ZBTB44: variants seen among roughly 807,000 people sequenced by gnomAD.
ZBTB44 encodes zinc finger and BTB domain containing 44, also known as zinc finger and BTB domain-containing protein 44.
In ZBTB44, 15 loss-of-function variants were observed where a neutral mutation model predicts 54.0. The observed-to-expected ratio is 0.28, with a 90% CI of 0.19 to 0.43. The LOEUF (loss-of-function observed/expected upper bound fraction) is 0.43. ZBTB44 is among the 20% of genes least tolerant of loss of function. ZBTB44 has a pLI of 1.00. For missense variants in ZBTB44, 487 were observed against 707.1 expected (o/e 0.69, Z 3.53); for synonymous variants, 230 against 250.1 (o/e 0.92, Z 0.76).
intron 1 of ZBTB44, among the ~76,000 whole-genome samples, chr11:130,276,755 T>C (rs1174485834): frequency 2.0e-5 from 3 of 152,176 alleles, no homozygotes; most frequent in Non-Finnish European, 2.9e-5. Flanking sequence ...AAAAGCGGTA[T>C]ACTGAAGTCT....
rs995732585 is a variant in ZBTB44 at position 130,236,045 on chromosome 11, T to A, written c.1568+748A>T. Reference sequence around the variant, plus strand: ...GATTCCTACAGAAGTACAATTCTTATAAACAATTTAAAACAACAGTTTTAT... The same window carrying A: ...GATTCCTACAGAAGTACAATTCTTAAAAACAATTTAAAACAACAGTTTTAT... On this transcript the variant is annotated intron_variant, in intron 5 of 7. Coordinates refer to ENST00000357899, the MANE Select transcript of ZBTB44 (RefSeq NM_001301098.2). 3 of 1,102,474 alleles carry A rather than the reference T, an allele frequency of 2.7e-6. No individual in the cohort carries two copies. In the African/African-American group the frequency reaches 4.9e-5, roughly 18 times the overall value. 68.3% of individuals were successfully genotyped at this position (1,102,474 alleles called of 1,614,324 possible). A position where few individuals can be genotyped will look rare whatever the true frequency, so the allele number is the denominator to read the frequency against.
chr11:130,306,217 A>T (rs1284208077), intron 1 of ZBTB44, among the ~76,000 whole-genome samples: 1 of 152,198 alleles, frequency 6.6e-6, no homozygotes, highest in African/African-American at 2.4e-5. Flanking sequence ...AAGAACTAAA[A>T]GTAGGCTGGG....
intron 1 of ZBTB44, among the ~76,000 whole-genome samples, chr11:130,312,142 T>C (rs1942644476): frequency 6.6e-6 from 1 of 152,178 alleles, no homozygotes; most frequent in South Asian, 2.1e-4. Flanking sequence ...TACCTGCACT[T>C]AATGAAGGAA....
At chr11:130,313,938 T>TTGTGTG (rs202106090) in intron 1 of ZBTB44, among the ~76,000 whole-genome samples, 2,050 of 98,450 alleles carry the variant, frequency 0.021, 44 homozygotes, top group African/African-American at 0.064. Context: ...GTGTGTGTGT[T>TTGTGTG]TGTGTGTGTG....
At chr11:130,311,462 G>T (rs781624402) in intron 1 of ZBTB44, among the ~76,000 whole-genome samples, 1 of 152,098 alleles carries the variant, frequency 6.6e-6, no homozygotes, top group Non-Finnish European at 1.5e-5. Flanking sequence ...TTCCACCTCG[G>T]CCTTTCAACG....
intron 2 of ZBTB44, among the ~76,000 whole-genome samples, chr11:130,251,569 G>A (rs1046258446): frequency 1.8e-4 from 28 of 152,346 alleles, no homozygotes; most frequent in African/African-American, 6.3e-4. Flanking sequence ...CCTACAGAGG[G>A]AAGCCATCAG....
chr11:130,292,514 A>G (rs1263531257), intron 1 of ZBTB44, among the ~76,000 whole-genome samples: 1 of 152,200 alleles, frequency 6.6e-6, no homozygotes, highest in Non-Finnish European at 1.5e-5. Flanking sequence ...CATAAGAAAA[A>G]AATTAAAAAT....
intron 1 of ZBTB44, among the ~76,000 whole-genome samples, chr11:130,298,632 T>C (rs1322947542): frequency 6.6e-6 from 1 of 151,752 alleles, no homozygotes; most frequent in East Asian, 1.9e-4. Flanking sequence ...CTGGCCACTT[T>C]TTGTATTTTT....
Position 130,261,379 on chromosome 11 carries a change from T to C in ZBTB44, c.495A>G (p.Ser165=), listed in dbSNP as rs1290240974. 3 of 1,614,008 alleles carry C rather than the reference T, an allele frequency of 1.9e-6. No homozygotes were observed. Among genetic ancestry groups the C allele is most frequent in the East Asian group, 2.2e-5 (1 of 44,876 alleles). The change falls in exon 2 of 8, where the codon TCA becomes TCG. Residue 165 remains serine, a synonymous_variant. Transcript: ENST00000357899. This position sits in a 1 kb window ranked among gnomAD's most constrained non-coding sequence, Gnocchi z 4.8. ...TGGTTCTTTCTACCACACTGCACTC[T>C]GAGGACACGGGAGAAATGCTCCCAT... ...SRDGSISPVS[S]ECSVVERTIP...
chr11:130,233,596 C>A lies in ZBTB44; in HGVS notation c.1687-214G>T, dbSNP rs1316159351. 3 of 1,336,732 alleles carry A rather than the reference C, an allele frequency of 2.2e-6. No homozygotes were observed. In the African/African-American group the frequency reaches 4.5e-5, roughly 20 times the overall value. The allele number at this position is 1,336,732 out of a possible 1,614,324, so 82.8% of individuals were successfully genotyped here. On this transcript the variant is annotated intron_variant, in intron 6 of 7. Coordinates refer to ENST00000357899, the MANE Select transcript of ZBTB44 (RefSeq NM_001301098.2). ...GTACAGCAGTAAGTATCTACTCAGG[C>A]CATTTGTCAAGCTGTTTAGTAATTA...
intron 1 of ZBTB44, among the ~76,000 whole-genome samples, chr11:130,274,352 T>C (rs1939900121): frequency 6.6e-6 from 1 of 152,210 alleles, no homozygotes; most frequent in South Asian, 2.1e-4. Flanking sequence ...AGATGCCTTT[T>C]ATTTATCTTG....
chr11:130,290,344 T>C (rs1941230103), intron 1 of ZBTB44, among the ~76,000 whole-genome samples: 1 of 152,258 alleles, frequency 6.6e-6, no homozygotes, highest in Non-Finnish European at 1.5e-5. Context: ...GTTATGATTA[T>C]TTCAAGCTTC....
intron 2 of ZBTB44, among the ~76,000 whole-genome samples, chr11:130,251,065 T>C (rs1319936703): frequency 6.6e-6 from 1 of 152,170 alleles, no homozygotes; most frequent in Non-Finnish European, 1.5e-5. Flanking sequence ...TTACAGCAAC[T>C]GCTAACTAGA....
chr11:130,237,564 A>G (rs975593324), intron 4 of ZBTB44, among the ~76,000 whole-genome samples: 1 of 152,270 alleles, frequency 6.6e-6, no homozygotes, highest in African/African-American at 2.4e-5. Context: ...TGTAATGAGC[A>G]TGACAGAACC....
chr11:130,234,468 A>T (rs1954019671), intron 5 of ZBTB44, among the ~76,000 whole-genome samples, 195 bp from the exon 6 acceptor site: 1 of 152,160 alleles, frequency 6.6e-6, no homozygotes. Flanking sequence ...TTAAAACCAA[A>T]ATGTATCAAT....
chr11:130,277,102 T>C (rs1401212810), intron 1 of ZBTB44, among the ~76,000 whole-genome samples: 1 of 152,124 alleles, frequency 6.6e-6, no homozygotes, highest in Non-Finnish European at 1.5e-5. Context: ...TGACAATCTC[T>C]GTCTTTTGAT....
chr11:130,269,926 G>A (rs1163091884), intron 1 of ZBTB44, among the ~76,000 whole-genome samples: 1 of 152,068 alleles, frequency 6.6e-6, no homozygotes, highest in African/African-American at 2.4e-5. Context: ...GAAAAAGTGT[G>A]AACAAAAATT....
In ZBTB44 at chr11:130,296,331, G is replaced by C. The variant is rs879554716; in HGVS notation, c.-57+18044C>G. 1.3e-5 allele frequency: 20 copies of C among 1,518,542 alleles called. No homozygotes were observed. In the Admixed American group the frequency reaches 3.9e-4, roughly 29 times the overall value. 94.1% of individuals were successfully genotyped at this position (1,518,542 alleles called of 1,614,324 possible). On this transcript the variant is annotated intron_variant, in intron 1 of 7. Coordinates refer to ENST00000357899, the MANE Select transcript of ZBTB44 (RefSeq NM_001301098.2). ...CCTTAAGAAGAACCGAAAGAAGCTC[G>C]TGGTCTTCTTTTCATCTTGTATGTC...
intron 4 of ZBTB44, among the ~76,000 whole-genome samples, chr11:130,237,831 T>C (rs929426082): frequency 9.2e-5 from 14 of 152,182 alleles, no homozygotes; most frequent in African/African-American, 3.1e-4. Flanking sequence ...GCAGCAAAGA[T>C]CTCTTACTCG....
Sources: allele counts gnomAD v4.1 joint callset (sites outside exome capture counted in the v4.1 genomes callset), GRCh38; gene constraint gnomAD v4.1.1; non-coding constraint Gnocchi (gnomAD v3.1); transcripts MANE v1.5; gene names NCBI Gene and HGNC (gene_info 2026-07-23, HGNC 2026-07-21).